The following SPATA22 variants were observed in gnomAD, a reference collection of about 807,000 sequenced individuals.
SPATA22 encodes the protein spermatogenesis associated 22.
A neutral mutation model predicts 47.8 loss-of-function variants in SPATA22; 29 were observed. The observed-to-expected ratio is 0.61, with a 90% CI of 0.45 to 0.83. The LOEUF (loss-of-function observed/expected upper bound fraction) is 0.83. Among genes scored for constraint, SPATA22 ranks in the 40% least tolerant of loss-of-function variants. The pLI, the probability that SPATA22 is intolerant of heterozygous loss-of-function variation, is 0.00. For missense variants in SPATA22, 410 were observed against 421.7 expected, an observed-to-expected ratio of 0.97 and a Z score of 0.24; for synonymous variants, 133 against 140.9, an observed-to-expected ratio of 0.94 and a Z score of 0.40.
At chr17:3,491,795 A>G (rs983584480) in intron 1 of SPATA22, among the ~76,000 whole-genome samples, 8 of 152,098 alleles carry the variant, frequency 5.3e-5, no homozygotes, top group African/African-American at 1.9e-4. Context: ...AAGAAATTCA[A>G]CACATTTTCT....
chr17:3,483,358 G>T, intron 1 of SPATA22: 1 of 726,748 alleles, frequency 1.4e-6, no homozygotes, highest in Non-Finnish European at 2.5e-6. Context: ...ATACCATTGG[G>T]TTTTAAAGTA....
chr17:3,455,611 T>G (rs1426687792), intron 5 of SPATA22, among the ~76,000 whole-genome samples: 1 of 141,414 alleles, frequency 7.1e-6, no homozygotes, highest in Non-Finnish European at 1.5e-5. Flanking sequence ...GTTGTAGATA[T>G]GCGGCGTTAT....
At chr17:3,476,479 G>T, upstream of SPATA22, 1 of 1,259,110 alleles carries the variant, frequency 7.9e-7, no homozygotes. Context: ...ATATGTATAT[G>T]CAGATGATAA....
chr17:3,495,914 A>G (rs2073901169), intron 1 of SPATA22, among the ~76,000 whole-genome samples: 1 of 152,198 alleles, frequency 6.6e-6, no homozygotes, highest in Admixed American at 6.5e-5. Flanking sequence ...AGAGAAAGGA[A>G]GAAAGCACTA....
exon 1 of SPATA22, chr17:3,513,732 A>G (rs1215118191): frequency 1.9e-6 from 1 of 519,166 alleles, no homozygotes; most frequent in Non-Finnish European, 3.4e-6. Context: ...GATGTTTCCC[A>G]CTCAGACAAA....
chr17:3,492,847 T>C (rs1242979332), intron 1 of SPATA22, among the ~76,000 whole-genome samples: 1 of 151,514 alleles, frequency 6.6e-6, no homozygotes, highest in Non-Finnish European at 1.5e-5. Context: ...AGCAAAACAA[T>C]AAAAAAAATC....
intron 1 of SPATA22, among the ~76,000 whole-genome samples, chr17:3,507,091 C>T (rs2074048132): frequency 6.6e-6 from 1 of 151,912 alleles, no homozygotes; most frequent in Non-Finnish European, 1.5e-5. Flanking sequence ...GTTTGGTGGT[C>T]ACAAGTTGAA....
chr17:3,470,093 C>CAAAAAAAAAA (rs57432043), intron 1 of SPATA22, among the ~76,000 whole-genome samples: 7 of 54,290 alleles, frequency 1.3e-4, no homozygotes, highest in African/African-American at 1.4e-4. Context: ...GACTCCATCT[C>CAAAAAAAAAA]AAAAAAAAAA....
At chr17:3,456,923 T>C (rs1334042365) in intron 5 of SPATA22, among the ~76,000 whole-genome samples, 1 of 150,822 alleles carries the variant, frequency 6.6e-6, no homozygotes, top group African/African-American at 2.4e-5. Context: ...TAATCCAGCA[T>C]ATAAACAGAG....
chr17:3,442,572 T>C (rs898794689), intron 8 of SPATA22, among the ~76,000 whole-genome samples: 10 of 151,896 alleles, frequency 6.6e-5, no homozygotes, highest in African/African-American at 2.4e-4. Context: ...CCCACTATGC[T>C]TTCCCCCACT....
intron 1 of SPATA22, among the ~76,000 whole-genome samples, chr17:3,504,472 T>C (rs2074022500): frequency 1.3e-5 from 2 of 151,210 alleles, no homozygotes; most frequent in African/African-American, 4.9e-5. Context: ...AGACTGTTAC[T>C]ATGTCCCAAA....
chr17:3,473,471 G>C (rs371606552), upstream of SPATA22, among the ~76,000 whole-genome samples: 2 of 152,262 alleles, frequency 1.3e-5, no homozygotes, highest in African/African-American at 2.4e-5. Context: ...CCATGACTGT[G>C]AAGTAAAACT....
At chr17:3,443,050 A>G (rs2072632308) in intron 8 of SPATA22, 124 bp downstream of exon 8, 1 of 659,042 alleles carries the variant, frequency 1.5e-6, no homozygotes, top group South Asian at 2.3e-5. Flanking sequence ...CTTTCATATC[A>G]GAACTAAAAC....
intron 1 of SPATA22, among the ~76,000 whole-genome samples, chr17:3,509,780 C>T (rs189182660): frequency 6.6e-6 from 1 of 152,276 alleles, no homozygotes; most frequent in East Asian, 1.9e-4. Context: ...GCATTCCCAC[C>T]AACAGTGTAA....
intron 5 of SPATA22, among the ~76,000 whole-genome samples, chr17:3,450,036 T>C (rs1216143112): frequency 6.6e-6 from 1 of 152,104 alleles, no homozygotes; most frequent in East Asian, 1.9e-4. Flanking sequence ...TTATTTTTTG[T>C]AGAGACAGGG....
intron 7 of SPATA22, 48 bp downstream of exon 7, chr17:3,446,424 T>C (rs1005723115): frequency 1.3e-5 from 20 of 1,545,426 alleles, no homozygotes; most frequent in Non-Finnish European, 1.6e-5. Flanking sequence ...CATTAAAACC[T>C]GTCCTCCAGA....
intron 8 of SPATA22, 92 bp downstream of exon 8, chr17:3,443,082 G>A: frequency 1.1e-6 from 1 of 891,304 alleles, no homozygotes; most frequent in African/African-American, 1.7e-5. Flanking sequence ...GTACTAAATT[G>A]TTAACAGAAT....
intron 1 of SPATA22, chr17:3,471,329 G>A (rs1194664455): frequency 1.3e-6 from 1 of 741,344 alleles, no homozygotes; most frequent in Non-Finnish European, 1.6e-6. Flanking sequence ...GGGCTATTAT[G>A]TTTCTCAGGA....
At chr17:3,510,308 T>C (rs1349715708) in intron 1 of SPATA22, among the ~76,000 whole-genome samples, 2 of 152,192 alleles carry the variant, frequency 1.3e-5, no homozygotes, top group Admixed American at 6.5e-5. Context: ...CTGATGTGAA[T>C]GCGCTTTGAG....
Sources: gnomAD v4.1 joint callset for allele counts (sites outside exome capture counted in the v4.1 genomes callset) on GRCh38, gnomAD v4.1.1 for gene constraint, MANE v1.5 for transcripts, NCBI Gene and HGNC (gene_info 2026-07-23, HGNC 2026-07-21) for gene names.